Variants in ANO4 observed in about 807,000 individuals in gnomAD.
The protein encoded by ANO4 is anoctamin-4.
In ANO4, 69 loss-of-function variants were observed where a neutral mutation model predicts 141.9. The ratio of observed to expected loss-of-function variants is 0.49; its 90% CI spans 0.40 to 0.59. The LOEUF is 0.59. Among genes scored for constraint, ANO4 ranks in the 20% least tolerant of loss-of-function variants. The probability of loss-of-function intolerance (pLI) is 0.00; values close to 1 mark genes in which losing one functional copy is unlikely to be tolerated. For synonymous variants in ANO4, 350 were observed against 394.3 expected (o/e 0.89, Z 1.33); for missense variants, 894 against 1,162.2 (o/e 0.77, Z 3.36).
chr12:100,723,117 C>T (rs1439272683), intron 1 of ANO4, among the ~76,000 whole-genome samples: 4 of 152,068 alleles, frequency 2.6e-5, no homozygotes, highest in African/African-American at 9.7e-5. Context: ...GACCTTCAGC[C>T]CTTCATATTT....
At chr12:100,824,995 A>G (rs1028421294) in intron 1 of ANO4, among the ~76,000 whole-genome samples, 7 of 152,016 alleles carry the variant, frequency 4.6e-5, no homozygotes, top group Admixed American at 2.6e-4. Flanking sequence ...CTGTTGAAAA[A>G]CAATATGGCA....
intron 1 of ANO4, among the ~76,000 whole-genome samples, chr12:100,824,367 C>T (rs2135747665): frequency 1.3e-5 from 2 of 152,066 alleles, no homozygotes; most frequent in South Asian, 4.2e-4. Flanking sequence ...TTCCAAGATT[C>T]TGAAATTCCA....
At chr12:101,022,754 T>TG (rs2046583589) in intron 9 of ANO4, among the ~76,000 whole-genome samples, 1 of 152,218 alleles carries the variant, frequency 6.6e-6, no homozygotes, top group South Asian at 2.1e-4. Flanking sequence ...CTTTTTTTTT[T>TG]GTTGAGACGG....
intron 2 of ANO4, among the ~76,000 whole-genome samples, chr12:100,739,033 CTCTAAATCTTTATATATATA>C (rs1565846795): frequency 7.4e-5 from 9 of 122,240 alleles, no homozygotes; most frequent in South Asian, 2.7e-4. Context: ...TATATATAAT[CTCTAAATCTTTATATATATA>C]TCTAAATCTT....
At chr12:101,116,917 A>G in intron 25 of ANO4, 119 bp downstream of exon 25, 1 of 1,403,032 alleles carries the variant, frequency 7.1e-7, no homozygotes, top group Non-Finnish European at 9.9e-7. Flanking sequence ...CAATCTCAAC[A>G]GTGCATTAAA....
intron 1 of ANO4, among the ~76,000 whole-genome samples, chr12:100,867,066 C>T (rs7307162): frequency 0.41 from 61,672 of 151,798 alleles, 12,715 homozygotes; most frequent in Admixed American, 0.48. Flanking sequence ...ACTGATGGGG[C>T]TGGAGGTGGG....
At chr12:100,957,882 T>C (rs2043236969) in intron 5 of ANO4, among the ~76,000 whole-genome samples, 1 of 152,226 alleles carries the variant, frequency 6.6e-6, no homozygotes, top group African/African-American at 2.4e-5. Flanking sequence ...TTTATATATT[T>C]TTTTTAGTAG....
chr12:101,039,361 C>T (rs141080884), intron 10 of ANO4, among the ~76,000 whole-genome samples: 30 of 152,198 alleles, frequency 2.0e-4, no homozygotes, highest in African/African-American at 4.8e-4. Context: ...AAAAGTTAGC[C>T]GTGCATGGTG....
chr12:100,779,854 A>G (rs1028429673), intron 3 of ANO4, among the ~76,000 whole-genome samples: 5 of 152,300 alleles, frequency 3.3e-5, no homozygotes, highest in African/African-American at 9.6e-5. Context: ...CCTTTATATC[A>G]GTGATCAATG....
Position 100,942,680 on chromosome 12 carries a change from C to T in ANO4, c.456+145C>T. On this transcript the variant is annotated intron_variant, in intron 5 of 27. Transcript: ENST00000392977. The stretch of plus-strand genomic sequence containing the variant: ...AGTCTTCAGAGTTTGGGGAATGTTC[C>T]AATATTTAGACTTTGACAGCACAGT... The T allele has an allele frequency of 3.6e-6, 3 of 844,738 alleles. No homozygotes were observed. In the South Asian group the frequency reaches 6.9e-5, roughly 19 times the overall value. The allele number at this position is 844,738 out of a possible 1,614,324, so 52.3% of individuals were successfully genotyped here. A position where few individuals can be genotyped will look rare whatever the true frequency, so the allele number is the denominator to read the frequency against.
chr12:101,071,264 C>T (rs967045557), intron 14 of ANO4, among the ~76,000 whole-genome samples: 3 of 151,506 alleles, frequency 2.0e-5, no homozygotes, highest in African/African-American at 7.3e-5. Flanking sequence ...TTGGAGGCAA[C>T]CTAAGTGTCC....
intron 22 of ANO4, among the ~76,000 whole-genome samples, chr12:101,101,244 C>G (rs750337361): frequency 1.1e-4 from 16 of 152,302 alleles, no homozygotes; most frequent in Non-Finnish European, 1.8e-4. Context: ...CATAGATTAA[C>G]TTTACCTTTG....
intron 1 of ANO4, among the ~76,000 whole-genome samples, chr12:100,796,728 G>T (rs1464125515): frequency 6.6e-6 from 1 of 152,036 alleles, no homozygotes; most frequent in Non-Finnish European, 1.5e-5. Flanking sequence ...GTGGTTCGCG[G>T]CAATACTGTA....
At chr12:100,843,290 A>G (rs768271957) in intron 1 of ANO4, among the ~76,000 whole-genome samples, 2 of 152,200 alleles carry the variant, frequency 1.3e-5, no homozygotes, top group Non-Finnish European at 2.9e-5. Flanking sequence ...ATTCTGAGAT[A>G]AGAAATTATT....
intron 3 of ANO4, among the ~76,000 whole-genome samples, chr12:100,770,161 T>C (rs1376634507): frequency 1.3e-5 from 2 of 152,244 alleles, no homozygotes; most frequent in East Asian, 1.9e-4. Context: ...CTTTCAGTTA[T>C]AGAATGTTTT....
chr12:100,867,721 C>CT (rs1296190954), intron 1 of ANO4, among the ~76,000 whole-genome samples: 3 of 152,126 alleles, frequency 2.0e-5, no homozygotes, highest in Admixed American at 6.5e-5. Context: ...ATCTGTCTGA[C>CT]TGTTGCTGAA....
intron 8 of ANO4, among the ~76,000 whole-genome samples, chr12:101,010,836 G>A (rs1430592487): frequency 6.6e-6 from 1 of 152,142 alleles, no homozygotes; most frequent in Admixed American, 6.5e-5. Flanking sequence ...GTTATCTATT[G>A]CTACATAACA....
chr12:100,869,695 C>T (rs2038938611), intron 1 of ANO4, among the ~76,000 whole-genome samples: 1 of 152,184 alleles, frequency 6.6e-6, no homozygotes, highest in Non-Finnish European at 1.5e-5. Context: ...TGAATAGCTA[C>T]AGGGACTTTC....
chr12:101,051,746 C>T (rs1273263942), intron 14 of ANO4, among the ~76,000 whole-genome samples: 1 of 152,126 alleles, frequency 6.6e-6, no homozygotes. Flanking sequence ...GTGGCAAAGC[C>T]AAGAGTTAAA....
Sources: allele counts gnomAD v4.1 joint callset (sites outside exome capture counted in the v4.1 genomes callset), GRCh38; gene constraint gnomAD v4.1.1; transcripts MANE v1.5; gene names NCBI Gene and HGNC (gene_info 2026-07-23, HGNC 2026-07-21).